Variants in NRIP1 observed in about 807,000 individuals in gnomAD.
The protein encoded by NRIP1 is nuclear receptor-interacting protein 1.
In NRIP1, 28 loss-of-function variants were observed where a neutral mutation model predicts 75.0. The observed-to-expected ratio is 0.37, with a 90% CI of 0.28 to 0.51. NRIP1 has a LOEUF of 0.51. NRIP1 is among the 20% of genes least tolerant of loss of function. The pLI, the probability that NRIP1 is intolerant of heterozygous loss-of-function variation, is 0.92. For missense variants in NRIP1, 1,435 were observed against 1,343.7 expected (o/e 1.07, Z -1.06); for synonymous variants, 526 against 487.6 (o/e 1.08, Z -1.04).
chr21:15,064,644 C>A, intron 1 of NRIP1, 101 bp downstream of exon 1: 1 of 151,668 alleles, frequency 6.6e-6, no homozygotes, highest in Non-Finnish European at 1.5e-5. Flanking sequence ...CCCCGCGGCC[C>A]TGCCAGCCAA....
In NRIP1 at chr21:14,962,800, C is replaced by A. The variant is rs1397686349; in HGVS notation, c.*1916G>T. 6.6e-6 allele frequency: 1 copy of A among 152,230 alleles called. No homozygotes were observed. The highest frequency in any genetic ancestry group is 2.4e-5 in the African/African-American group (1 of 41,348). The allele number at this position is 152,230 out of a possible 1,614,324, so 9.4% of individuals were successfully genotyped here. ...TACAAATCATTCTGAGGAAAAATAA[C>A]CATTTAGGGTTTTAGATCATATTAG... On this transcript the variant is annotated 3_prime_UTR_variant, in exon 4 of 4. Coordinates refer to ENST00000318948, the MANE Select transcript of NRIP1 (RefSeq NM_003489.4).
chr21:15,007,960 G>A (rs1298972455), intron 3 of NRIP1, among the ~76,000 whole-genome samples: 1 of 152,130 alleles, frequency 6.6e-6, no homozygotes, highest in Non-Finnish European at 1.5e-5. Context: ...GAAGCTGTCA[G>A]TAAATCAAGT....
At chr21:15,008,366 C>G (rs183109081) in intron 3 of NRIP1, among the ~76,000 whole-genome samples, 9 of 152,134 alleles carry the variant, frequency 5.9e-5, no homozygotes, top group African/African-American at 1.9e-4. Context: ...CTTTTTTAAA[C>G]GACCAAACCT....
chr21:15,016,297 T>C (rs1199920710), intron 2 of NRIP1, among the ~76,000 whole-genome samples: 1 of 152,200 alleles, frequency 6.6e-6, no homozygotes, highest in Non-Finnish European at 1.5e-5. Flanking sequence ...CCTGATTATA[T>C]ATACCTAGAA....
chr21:14,981,886 C>T (rs1441036789), intron 3 of NRIP1, among the ~76,000 whole-genome samples: 8 of 140,772 alleles, frequency 5.7e-5, no homozygotes, highest in Admixed American at 4.4e-4. Context: ...GAGTCTTGCT[C>T]TGTCACCCAG....
At chr21:15,010,431 G>A (rs979985321) in intron 3 of NRIP1, among the ~76,000 whole-genome samples, 5 of 151,546 alleles carry the variant, frequency 3.3e-5, no homozygotes, top group African/African-American at 9.7e-5. Flanking sequence ...CGCATATAGC[G>A]ACTTTATAAA....
At chr21:15,013,681 A>G (rs1448022454) in intron 3 of NRIP1, among the ~76,000 whole-genome samples, 1 of 152,218 alleles carries the variant, frequency 6.6e-6, no homozygotes, top group East Asian at 1.9e-4. Context: ...CAGGAGTGTT[A>G]ATCCAAGTAG....
Position 14,964,785 on chromosome 21 carries a change from T to G in NRIP1, c.3408A>C (p.Pro1136=), listed in dbSNP as rs145216004. ...NSHMGNNASR[P]HSANGEVYGL... ...CATAAACTTCTCCATTTGCGCTGTG[T>G]GGGCGAGAAGCATTATTTCCCATAT... The change falls in exon 4 of 4, where the codon CCA becomes CCC. Residue 1136 remains proline, a synonymous_variant. Transcript: ENST00000318948. 2.9e-5 allele frequency: 46 copies of G among 1,605,618 alleles called. No individual in the cohort carries two copies. The African/African-American group carries it at 6.1e-4, about 21-fold the overall frequency.
intron 2 of NRIP1, among the ~76,000 whole-genome samples, chr21:15,022,366 T>C (rs1024977073): frequency 1.3e-5 from 2 of 152,060 alleles, no homozygotes; most frequent in Non-Finnish European, 2.9e-5. Flanking sequence ...TGGGGAACAA[T>C]ACACACTGGG....
At chr21:14,975,128 G>A (rs2087016146) in intron 3 of NRIP1, among the ~76,000 whole-genome samples, 1 of 151,942 alleles carries the variant, frequency 6.6e-6, no homozygotes, top group Admixed American at 6.6e-5. Context: ...AGAACAGGAA[G>A]GACGAATGGA....
In NRIP1 at chr21:14,967,799, A is replaced by G. The variant is rs1480083502; in HGVS notation, c.394T>C (p.Leu132=). The G allele has an allele frequency of 1.2e-6, 2 of 1,613,962 alleles. No individual in the cohort carries two copies. The highest frequency in any genetic ancestry group is 1.7e-6 in the Non-Finnish European group (2 of 1,180,006). Residue 132 remains leucine (L), a synonymous_variant, in exon 4 of 4, where the codon TTA becomes CTA. Coordinates refer to ENST00000318948, the MANE Select transcript of NRIP1 (RefSeq NM_003489.4). ...AATGACTGAAGCAAAGAGGCCAGTA[A>G]TGTGCTATCCTGTTTGCCTTTAGGC... ...SVPKGKQDST[L]LASLLQSFSS...
At chr21:15,031,612 T>C (rs1441996121) in intron 2 of NRIP1, among the ~76,000 whole-genome samples, 1 of 122,950 alleles carries the variant, frequency 8.1e-6, no homozygotes, top group African/African-American at 3.6e-5. Context: ...CCACATTCCC[T>C]TTCTATGTGT....
In NRIP1 at chr21:14,965,225, G is replaced by A. The variant is rs747397143; in HGVS notation, c.2968C>T (p.Gln990Ter). The change falls in exon 4 of 4, where the codon CAG becomes TAG. Residue 990 changes from glutamine (Q) to a stop codon, truncating the protein, a stop_gained. Coordinates refer to ENST00000318948, the MANE Select transcript of NRIP1 (RefSeq NM_003489.4). LOFTEE classifies it high-confidence loss of function. The stretch of plus-strand genomic sequence containing the variant: ...CTGTTATCCATGCAACTGCTGGGCT[G>A]AGTGGAACTGTACATCAGTCCATTT... ...SLNGLMYSST[Q>*]PSSCMDNRTF... The A allele has an allele frequency of 6.2e-7, 1 of 1,613,962 alleles. No individual in the cohort carries two copies. Among genetic ancestry groups the A allele is most frequent in the Non-Finnish European group, 8.5e-7 (1 of 1,179,948 alleles).
intron 3 of NRIP1, among the ~76,000 whole-genome samples, chr21:14,988,932 CGAGGAGAGGA>C (rs542465399): frequency 1.4e-3 from 217 of 151,798 alleles, no homozygotes; most frequent in African/African-American, 4.6e-3. Flanking sequence ...GGAGGCAAAA[CGAGGAGAGGA>C]GAGGAGAGGA....
Position 14,981,600 on chromosome 21 carries a change from G to A in NRIP1, c.-334-13074C>T, listed in dbSNP as rs1026522090. ...CTAGGGAATGTGGGTCAGGGCTTTT[G>A]TGATTTCAATTGTTGGACCAAAAAT... On this transcript the variant is annotated intron_variant, in intron 3 of 3. Coordinates refer to ENST00000318948, the MANE Select transcript of NRIP1 (RefSeq NM_003489.4). Among the ~76,000 whole-genome samples the A allele has an allele frequency of 4.0e-5, 6 of 150,880 alleles. No homozygotes were observed. In the South Asian group the frequency reaches 8.3e-4, roughly 21 times the overall value.
At chr21:15,011,612 T>C (rs2088106020) in intron 3 of NRIP1, among the ~76,000 whole-genome samples, 2 of 152,116 alleles carry the variant, frequency 1.3e-5, no homozygotes, top group African/African-American at 2.4e-5. Context: ...AAAAGTACAA[T>C]AGAGAACTCG....
intron 1 of NRIP1, among the ~76,000 whole-genome samples, chr21:15,049,415 CAA>C (rs1224311671): frequency 6.6e-6 from 1 of 151,982 alleles, no homozygotes; most frequent in African/African-American, 2.4e-5. Flanking sequence ...TCCAAAACCT[CAA>C]GAGTATATCA....
At chr21:14,969,205 C>T (rs2146949015) in intron 3 of NRIP1, among the ~76,000 whole-genome samples, 1 of 152,252 alleles carries the variant, frequency 6.6e-6, no homozygotes, top group South Asian at 2.1e-4. Context: ...ATACTTTTTA[C>T]CATGACTTAT....
chr21:15,027,397 A>G lies in NRIP1; in HGVS notation c.-457-12931T>C, dbSNP rs533500629. Among the ~76,000 whole-genome samples, 4 of 152,350 alleles carry G rather than the reference A, an allele frequency of 2.6e-5. No homozygotes were observed. In the South Asian group the frequency reaches 6.2e-4, roughly 24 times the overall value. ...TATATTGTGGCAAATCAGAGCTTTG[A>G]CAAGTATCTTGTTTAGGTAAGCATC... On this transcript the variant is annotated intron_variant, in intron 2 of 3. Coordinates refer to ENST00000318948, the MANE Select transcript of NRIP1 (RefSeq NM_003489.4).
Sources: allele counts gnomAD v4.1 joint callset (sites outside exome capture counted in the v4.1 genomes callset), GRCh38; gene constraint gnomAD v4.1.1; transcripts MANE v1.5; gene names NCBI Gene and HGNC (gene_info 2026-07-23, HGNC 2026-07-21).